VTI1A: variants seen among roughly 807,000 people sequenced by gnomAD.
VTI1A encodes vesicle transport through interaction with t-SNAREs homolog 1A.
VTI1A carries 22 observed loss-of-function variants against 34.9 expected under a neutral mutation model. That is an observed-to-expected ratio of 0.63 (90% CI 0.45 to 0.90). The LOEUF is 0.90. VTI1A is among the 40% of genes least tolerant of loss of function. The probability of loss-of-function intolerance (pLI) is 0.00; values close to 1 mark genes in which losing one functional copy is unlikely to be tolerated. For synonymous variants in VTI1A, 87 were observed against 97.3 expected (o/e 0.89, Z 0.62); for missense variants, 268 against 275.6 (o/e 0.97, Z 0.20).
At position 112,570,838 on chromosome 10, in the gene VTI1A, A is replaced by G. The variant is rs1232193010; in HGVS notation, c.427+32508A>G. 3.9e-5 allele frequency among the ~76,000 whole-genome samples: 6 copies of G among 152,260 alleles called. No individual in the cohort carries two copies. The East Asian group carries it at 1.2e-3, about 29-fold the overall frequency. ...TGCTGAAAGCAGAGATAAGAGAGTT[A>G]ACAAATAACTAGACTAATAATAACC... On this transcript the variant is annotated intron_variant, in intron 5 of 7. Transcript: ENST00000393077.
chr10:112,667,233 G>A (rs1210071688), intron 5 of VTI1A, among the ~76,000 whole-genome samples: 1 of 152,062 alleles, frequency 6.6e-6, no homozygotes, highest in Non-Finnish European at 1.5e-5. Context: ...ATAGGTATGA[G>A]TAAAGAGACA....
At chr10:112,718,631 G>A (rs550305878) in intron 7 of VTI1A, among the ~76,000 whole-genome samples, 1 of 152,240 alleles carries the variant, frequency 6.6e-6, no homozygotes, top group African/African-American at 2.4e-5. Context: ...AAAGAATATA[G>A]CTCTATTCTG....
intron 7 of VTI1A, chr10:112,737,972 A>G: frequency 1.2e-6 from 1 of 832,350 alleles, no homozygotes; most frequent in Non-Finnish European, 1.4e-6. Flanking sequence ...GGCCTCCTGC[A>G]AGTCCTCCGA....
intron 5 of VTI1A, among the ~76,000 whole-genome samples, chr10:112,594,143 C>A (rs1305613874): frequency 6.6e-6 from 1 of 152,098 alleles, no homozygotes; most frequent in African/African-American, 2.4e-5. Flanking sequence ...GATTGCCTGA[C>A]CTTGTGATCC....
At chr10:112,784,814 T>C (rs1239829813) in intron 7 of VTI1A, among the ~76,000 whole-genome samples, 1 of 152,198 alleles carries the variant, frequency 6.6e-6, no homozygotes, top group Non-Finnish European at 1.5e-5. Context: ...GAAAAAAATT[T>C]GGAGTATATG....
intron 7 of VTI1A, among the ~76,000 whole-genome samples, chr10:112,755,512 C>T (rs1053266092): frequency 4.6e-5 from 7 of 152,186 alleles, no homozygotes; most frequent in African/African-American, 1.4e-4. Flanking sequence ...AGGGTCTGCA[C>T]GTGGACCAAA....
At chr10:112,601,065 G>A (rs528701627) in intron 5 of VTI1A, among the ~76,000 whole-genome samples, 1 of 152,270 alleles carries the variant, frequency 6.6e-6, no homozygotes, top group East Asian at 1.9e-4. Context: ...ATAGTTTTAT[G>A]GGGATTCAGA....
intron 3 of VTI1A, 110 bp downstream of exon 3, chr10:112,464,767 G>C (rs1231623592): frequency 4.5e-5 from 40 of 882,662 alleles, no homozygotes; most frequent in Non-Finnish European, 6.6e-5. Flanking sequence ...TAGAAGACAA[G>C]TAACAGCTTT....
At chr10:112,699,834 A>T (rs541497131) in intron 7 of VTI1A, among the ~76,000 whole-genome samples, 216 of 136,348 alleles carry the variant, frequency 1.6e-3, no homozygotes, top group Non-Finnish European at 2.5e-3. Context: ...TCTCAAAAAA[A>T]AAAAGACTGG....
At chr10:112,520,645 GTGTA>G (rs1309512388) in intron 3 of VTI1A, among the ~76,000 whole-genome samples, 69 of 111,156 alleles carry the variant, frequency 6.2e-4, no homozygotes, top group East Asian at 4.5e-3. Context: ...GTGTGTGTGT[GTGTA>G]TATATATATA....
At chr10:112,468,176 C>G (rs1847963524) in intron 3 of VTI1A, among the ~76,000 whole-genome samples, 1 of 152,106 alleles carries the variant, frequency 6.6e-6, no homozygotes, top group South Asian at 2.1e-4. Context: ...AAGACCTTGG[C>G]TTTTACTCTG....
At chr10:112,503,257 A>G (rs895176195) in intron 3 of VTI1A, among the ~76,000 whole-genome samples, 4 of 151,948 alleles carry the variant, frequency 2.6e-5, no homozygotes, top group Non-Finnish European at 5.9e-5. Context: ...ACCCCTCTTC[A>G]TCCTCCTCTC....
At chr10:112,777,338 T>G (rs1851981454) in intron 7 of VTI1A, among the ~76,000 whole-genome samples, 1 of 152,194 alleles carries the variant, frequency 6.6e-6, no homozygotes, top group African/African-American at 2.4e-5. Context: ...GTGGATTTCT[T>G]AGGCCCACTA....
chr10:112,552,434 A>AAACCAACC (rs200076397), intron 5 of VTI1A, among the ~76,000 whole-genome samples: 2 of 151,732 alleles, frequency 1.3e-5, no homozygotes, highest in African/African-American at 4.8e-5. Flanking sequence ...TGAAACCAAC[A>AAACCAACC]AACCAACCAA....
chr10:112,589,556 G>A (rs923996247), intron 5 of VTI1A, among the ~76,000 whole-genome samples: 3 of 152,252 alleles, frequency 2.0e-5, no homozygotes, highest in African/African-American at 7.2e-5. Context: ...AAAAGGAGGG[G>A]ATATGAATTC....
At position 112,736,111 on chromosome 10, in the gene VTI1A, G is replaced by GTATATA. The variant is rs372188173; in HGVS notation, c.560+67135_560+67140dup. ...ATATTTTACATATATATGTGTGTGTGTATATATATATATATATATATATAT... is the reference window on the plus strand; with the variant it reads ...ATATTTTACATATATATGTGTGTGTGTATATATATATATATATATATATATATATAT... On this transcript the variant is annotated intron_variant, in intron 7 of 7. Coordinates refer to ENST00000393077, the MANE Select transcript of VTI1A (RefSeq NM_145206.4). 4.1e-3 allele frequency among the ~76,000 whole-genome samples: 473 copies of GTATATA among 116,174 alleles called. 3 individuals are homozygous for GTATATA. The highest frequency in any genetic ancestry group is 0.029 in the South Asian group (108 of 3,746). 76.2% of individuals were successfully genotyped at this position (116,174 alleles called of 152,430 possible). A position where few individuals can be genotyped will look rare whatever the true frequency, so the allele number is the denominator to read the frequency against.
chr10:112,737,682 C>A lies in VTI1A; in HGVS notation c.560+68684C>A, dbSNP rs556282998. On this transcript the variant is annotated intron_variant, in intron 7 of 7. Transcript: ENST00000393077. The stretch of plus-strand genomic sequence containing the variant: ...AGAACAAGAGCACTCCATCCATGTG[C>A]GGATGACTGTCAAGGTCACTGAGAC... The A allele has an allele frequency of 7.5e-5, 79 of 1,055,014 alleles. No individual in the cohort carries two copies. In the South Asian group the frequency reaches 3.3e-3, roughly 45 times the overall value. 65.4% of individuals were successfully genotyped at this position (1,055,014 alleles called of 1,614,324 possible).
intron 7 of VTI1A, 141 bp from the exon 8 acceptor site, chr10:112,815,149 A>ACACACACC: frequency 2.1e-6 from 1 of 475,778 alleles, no homozygotes; most frequent in Non-Finnish European, 4.0e-6. Context: ...GCACACACAC[A>ACACACACC]CACACACACA....
At chr10:112,723,159 TATG>T (rs1251116609) in intron 7 of VTI1A, among the ~76,000 whole-genome samples, 6 of 152,214 alleles carry the variant, frequency 3.9e-5, no homozygotes, top group African/African-American at 1.4e-4. Flanking sequence ...CTCTACATAT[TATG>T]ATATTATAAT....
Sources: allele counts gnomAD v4.1 joint callset (sites outside exome capture counted in the v4.1 genomes callset), GRCh38; gene constraint gnomAD v4.1.1; transcripts MANE v1.5; gene names NCBI Gene and HGNC (gene_info 2026-07-23, HGNC 2026-07-21).